The following SORL1 variants were observed in gnomAD, a reference collection of about 807,000 sequenced individuals.
SORL1 encodes the protein sortilin related receptor 1, also known as sortilin-related receptor.
Under a neutral mutation model 273.7 loss-of-function variants are expected in SORL1, and 127 were observed. The observed-to-expected ratio is 0.46, with a 90% confidence interval of 0.40 to 0.54. The LOEUF (loss-of-function observed/expected upper bound fraction) is 0.54, where lower values mean the gene tolerates loss of function less well. Among genes scored for constraint, SORL1 ranks in the 20% least tolerant of loss-of-function variants. The pLI is 0.00. For missense variants in SORL1, 2,494 were observed against 2,846.1 expected, an observed-to-expected ratio of 0.88 and a Z score of 2.81; for synonymous variants, 1,031 against 1,067.4, an observed-to-expected ratio of 0.97 and a Z score of 0.66.
At position 121,579,318 on chromosome 11, in the gene SORL1, G is replaced by A. The variant is rs1033030087; in HGVS notation, c.3580+1918G>A. 3.9e-5 allele frequency among the ~76,000 whole-genome samples: 6 copies of A among 152,320 alleles called. No homozygotes were observed. In the East Asian group the frequency reaches 1.2e-3, roughly 29 times the overall value. On this transcript the variant is annotated intron_variant, in intron 25 of 47. Coordinates refer to ENST00000260197, the MANE Select transcript of SORL1 (RefSeq NM_003105.6). ...GTTGGAGGTCAGATGTGAGCTCATG[G>A]TGATGTGTGGCATGACACCTCATTT... is the stretch of plus-strand genomic sequence containing the variant.
At chr11:121,461,665 C>T (rs887876387) in intron 1 of SORL1, among the ~76,000 whole-genome samples, 1 of 152,122 alleles carries the variant, frequency 6.6e-6, no homozygotes, top group African/African-American at 2.4e-5. Context: ...AGCCTTGGGA[C>T]CTGGAGGTTG....
chr11:121,605,576 G>A lies in SORL1; in HGVS notation c.4948+5G>A, dbSNP rs762135704. 1.2e-6 allele frequency: 2 copies of A among 1,608,920 alleles called. No homozygotes were observed. Among genetic ancestry groups the A allele is most frequent in the Non-Finnish European group, 1.7e-6 (2 of 1,175,868 alleles). Reference sequence around the variant, plus strand: ...CCCTGAGGACCCCAGAGGGATGTAAGTGTTTCAGTTAATTTTTATGGCATG... The same window carrying A: ...CCCTGAGGACCCCAGAGGGATGTAAATGTTTCAGTTAATTTTTATGGCATG... On this transcript the variant is annotated splice_donor_5th_base_variant and intron_variant, in intron 35 of 47. Coordinates refer to ENST00000260197, the MANE Select transcript of SORL1 (RefSeq NM_003105.6).
intron 38 of SORL1, 147 bp downstream of exon 38, chr11:121,608,323 G>A (rs757131626): frequency 8.9e-5 from 59 of 664,620 alleles, no homozygotes; most frequent in Non-Finnish European, 1.3e-4. Flanking sequence ...ATTTTTGGGT[G>A]TCTCTGTAGT....
chr11:121,540,954 G>A (rs1862338829), intron 12 of SORL1, among the ~76,000 whole-genome samples: 1 of 152,208 alleles, frequency 6.6e-6, no homozygotes, highest in Admixed American at 6.5e-5. Flanking sequence ...TGACTCTGTT[G>A]GTTCAGTTTG....
intron 8 of SORL1, among the ~76,000 whole-genome samples, chr11:121,514,991 A>G (rs1322292138): frequency 2.0e-5 from 3 of 152,100 alleles, no homozygotes; most frequent in African/African-American, 7.2e-5. Context: ...GGCTGTGGTT[A>G]GAGTCCCCTC....
At chr11:121,618,916 GT>G (rs1863680953) in intron 42 of SORL1, 23 bp downstream of exon 42, 1 of 1,613,706 alleles carries the variant, frequency 6.2e-7, no homozygotes, top group Non-Finnish European at 8.5e-7. Flanking sequence ...TACCGTTTCA[GT>G]TTTTTAAGGG....
At chr11:121,551,176 T>C (rs1321434762) in intron 16 of SORL1, among the ~76,000 whole-genome samples, 2 of 152,230 alleles carry the variant, frequency 1.3e-5, no homozygotes, top group African/African-American at 2.4e-5. Context: ...TATTATCAAT[T>C]TTGTTTTTTA....
intron 12 of SORL1, among the ~76,000 whole-genome samples, chr11:121,541,531 A>G (rs1056197710): frequency 1.1e-4 from 16 of 152,200 alleles, no homozygotes; most frequent in Admixed American, 2.0e-4. Context: ...AATAATCTCA[A>G]TATGAGATGA....
chr11:121,616,899 C>T (rs1234489202), intron 41 of SORL1, among the ~76,000 whole-genome samples: 3 of 152,258 alleles, frequency 2.0e-5, no homozygotes, highest in Non-Finnish European at 2.9e-5. Context: ...AGGCATGAGA[C>T]ATCCATCAAA....
At chr11:121,482,696 C>T (rs145087087) in intron 3 of SORL1, among the ~76,000 whole-genome samples, 150 of 152,384 alleles carry the variant, frequency 9.8e-4, no homozygotes, top group African/African-American at 3.5e-3. Flanking sequence ...GGCGCTCTGC[C>T]TAGGCAAATC....
intron 6 of SORL1, among the ~76,000 whole-genome samples, chr11:121,505,929 A>G (rs902051441): frequency 6.6e-6 from 1 of 152,124 alleles, no homozygotes; most frequent in African/African-American, 2.4e-5. Flanking sequence ...TTCTGCTGTT[A>G]TTGGGTATTA....
chr11:121,620,003 C>A (rs2134946471), intron 43 of SORL1, 86 bp downstream of exon 43: 4 of 1,058,038 alleles, frequency 3.8e-6, no homozygotes, highest in East Asian at 4.8e-5. Flanking sequence ...TCTAATGGGG[C>A]AAGAAACACA....
rs372764840 is a variant in SORL1 at position 121,555,188 on chromosome 11, G to A, written c.2441G>A (p.Arg814His). The A allele has an allele frequency of 3.1e-6, 5 of 1,612,512 alleles. No individual in the cohort carries two copies. Among genetic ancestry groups the A allele is most frequent in the South Asian group, 1.1e-5 (1 of 90,944 alleles). The part of the protein sequence containing the change: ...WSDLALDVIQ[R>H]LCLNGSTGQE... ...TTATTATTACTTTTCTCTCTTAAGC[G>A]CCTCTGTTTGAATGGAAGCACAGGG... Residue 814 changes from arginine (R) to histidine (H), a missense_variant and splice_region_variant, in exon 18 of 48, where the codon CGC becomes CAC. Arg to His is a conservative substitution (Grantham distance 29). Around this residue, in one of 3 missense-constraint regions of SORL1, gnomAD observed 1,609 missense variants for 1,816.4 expected, o/e 0.89. Transcript: ENST00000260197.
chr11:121,562,238 A>G (rs1387802461), intron 21 of SORL1, among the ~76,000 whole-genome samples: 2 of 151,638 alleles, frequency 1.3e-5, no homozygotes, highest in Non-Finnish European at 2.9e-5. Flanking sequence ...GATTCCTTCA[A>G]CTCTCCTTAT....
chr11:121,594,985 A>T (rs368292133), intron 31 of SORL1, among the ~76,000 whole-genome samples: 3 of 152,230 alleles, frequency 2.0e-5, no homozygotes, highest in Non-Finnish European at 4.4e-5. Context: ...GAGGACTGGG[A>T]CTTCCATATG....
At chr11:121,607,524 G>A (rs1863496982) in intron 37 of SORL1, among the ~76,000 whole-genome samples, 3 of 152,178 alleles carry the variant, frequency 2.0e-5, no homozygotes, top group Admixed American at 2.0e-4. Flanking sequence ...TTATGGGAAT[G>A]CCGCTTTCCC....
chr11:121,578,392 C>A (rs1340426422), intron 25 of SORL1, among the ~76,000 whole-genome samples: 5 of 152,200 alleles, frequency 3.3e-5, no homozygotes, highest in African/African-American at 1.2e-4. Context: ...TCCTCTGCCC[C>A]CAGAGTATCC....
At chr11:121,494,395 G>A (rs1212972469) in intron 5 of SORL1, among the ~76,000 whole-genome samples, 1 of 152,206 alleles carries the variant, frequency 6.6e-6, no homozygotes, top group East Asian at 1.9e-4. Flanking sequence ...AGCAGCAGGA[G>A]TGGGAAAGCT....
chr11:121,594,764 G>A (rs1277500655), intron 31 of SORL1, among the ~76,000 whole-genome samples: 2 of 152,098 alleles, frequency 1.3e-5, no homozygotes, highest in Non-Finnish European at 2.9e-5. Flanking sequence ...GTTGCTGCTT[G>A]TATTTAAGGC....
Sources: gnomAD v4.1 joint callset for allele counts (sites outside exome capture counted in the v4.1 genomes callset) on GRCh38, gnomAD v4.1.1 for gene constraint, gnomAD v4.1.1 regional missense constraint, MANE v1.5 for transcripts, NCBI Gene and HGNC (gene_info 2026-07-23, HGNC 2026-07-21) for gene names.